Variants in PPP1R12B observed in about 807,000 individuals in gnomAD.
PPP1R12B encodes protein phosphatase 1 regulatory subunit 12B.
Under a neutral mutation model 126.1 loss-of-function variants are expected in PPP1R12B, and 76 were observed. That is an observed-to-expected ratio of 0.60 (90% CI 0.50 to 0.73). The LOEUF is 0.73. Among genes scored for constraint, PPP1R12B ranks in the 30% least tolerant of loss-of-function variants. The pLI, the probability that PPP1R12B is intolerant of heterozygous loss-of-function variation, is 0.00. For synonymous variants in PPP1R12B, 356 were observed against 434.7 expected (o/e 0.82, Z 2.25); for missense variants, 1,052 against 1,205.1 (o/e 0.87, Z 1.88).
chr1:202,444,210 G>A (rs1388282528), intron 12 of PPP1R12B, among the ~76,000 whole-genome samples: 3 of 152,144 alleles, frequency 2.0e-5, no homozygotes, highest in Non-Finnish European at 4.4e-5. Context: ...CATCTCTTGT[G>A]TATAGGCAGA....
rs1251695049 is a variant in PPP1R12B at position 202,431,583 on chromosome 1, G to C, written c.1105G>C (p.Asp369His). 1.2e-6 allele frequency: 2 copies of C among 1,611,150 alleles called. No individual in the cohort carries two copies. The highest frequency in any genetic ancestry group is 1.7e-6 in the Non-Finnish European group (2 of 1,179,212). Reference sequence around the variant, plus strand: ...CAGCTCAGAGGAGGAGGAAGGTGAAGATGAAGCTTCTGAGTCAGAAACTGA... The same window carrying C: ...CAGCTCAGAGGAGGAGGAAGGTGAACATGAAGCTTCTGAGTCAGAAACTGA... ...SSSSEEEEGEDEASESETEKE... is the reference protein window; with the variant it reads ...SSSSEEEEGEHEASESETEKE... Residue 369 changes from aspartate to histidine, a missense_variant, in exon 8 of 24, where the codon GAT becomes CAT. Asp to His is a moderately conservative substitution (Grantham distance 81). Coordinates refer to ENST00000608999, the MANE Select transcript of PPP1R12B (RefSeq NM_002481.4).
intron 20 of PPP1R12B, 101 bp from the exon 21 acceptor site, chr1:202,564,342 T>G: frequency 2.6e-6 from 2 of 777,358 alleles, no homozygotes; most frequent in Admixed American, 2.2e-5. Context: ...CTCTCTACCA[T>G]ATAGTGGTGG....
rs1480678989 is a variant in PPP1R12B at position 202,419,912 on chromosome 1, A to G, written c.423-2708A>G. On this transcript the variant is annotated intron_variant, in intron 2 of 23. Transcript: ENST00000608999. The surrounding 1 kb of genome is among the most constrained non-coding windows in gnomAD (Gnocchi z 4.6). ...GTTGAGATCAATACTTAAAAGGGAA[A>G]AGCAGCATGGTCACATTCCTGAATT... is the stretch of plus-strand genomic sequence containing the variant. Among the ~76,000 whole-genome samples, 1 of 152,240 alleles carries G rather than the reference A, an allele frequency of 6.6e-6. No individual in the cohort carries two copies. The highest frequency in any genetic ancestry group is 2.4e-5 in the African/African-American group (1 of 41,470).
intron 5 of PPP1R12B, among the ~76,000 whole-genome samples, chr1:202,428,051 T>TC (rs58701608): frequency 1 from 151,747 of 151,806 alleles, 75,844 homozygotes; most frequent in Middle Eastern, 1. Flanking sequence ...CTCAAGTGAT[T>TC]CCCAGCCTTG....
chr1:202,438,476 T>C (rs1011262488), intron 10 of PPP1R12B: 86 of 413,242 alleles, frequency 2.1e-4, no homozygotes, highest in Non-Finnish European at 1.9e-4. Context: ...TTCAAGGTGC[T>C]GGATGGGGTG....
intron 17 of PPP1R12B, 24 bp from the exon 18 acceptor site, chr1:202,496,757 A>G (rs1679609301): frequency 6.2e-7 from 1 of 1,603,842 alleles, no homozygotes; most frequent in African/African-American, 1.3e-5. Context: ...GAGCCTCTTG[A>G]TTTTCTTCCC....
chr1:202,588,445 T>G lies in PPP1R12B; in HGVS notation c.*7885T>G, dbSNP rs1689953604. The G allele has an allele frequency of 6.6e-6, 1 of 152,654 alleles. No individual in the cohort carries two copies. Among genetic ancestry groups the G allele is most frequent in the African/African-American group, 2.4e-5 (1 of 41,450 alleles). 9.5% of individuals were successfully genotyped at this position (152,654 alleles called of 1,614,324 possible). ...AGATGAATGGTTTTGTTTTACTGGT[T>G]GTTGTTATATAGTTTTGAGTATTCT... On this transcript the variant is annotated 3_prime_UTR_variant, in exon 24 of 24. Coordinates refer to ENST00000608999, the MANE Select transcript of PPP1R12B (RefSeq NM_002481.4).
At chr1:202,486,257 A>G (rs1461527844) in intron 13 of PPP1R12B, among the ~76,000 whole-genome samples, 1 of 151,988 alleles carries the variant, frequency 6.6e-6, no homozygotes, top group Non-Finnish European at 1.5e-5. Flanking sequence ...TAAATATTAA[A>G]CCCCATATAA....
chr1:202,415,933 A>AT (rs1668001116), intron 1 of PPP1R12B, among the ~76,000 whole-genome samples: 2 of 151,990 alleles, frequency 1.3e-5, no homozygotes, highest in Middle Eastern at 3.4e-3. Flanking sequence ...ATCCTGTGTG[A>AT]TTTTTTCTTT....
intron 9 of PPP1R12B, among the ~76,000 whole-genome samples, chr1:202,436,892 A>G (rs564026213): frequency 2.6e-5 from 4 of 151,422 alleles, no homozygotes; most frequent in Non-Finnish European, 5.9e-5. Context: ...TTTGCTGGTC[A>G]GTGAAATCTA....
chr1:202,511,667 T>C (rs1681525762), intron 18 of PPP1R12B, among the ~76,000 whole-genome samples: 1 of 152,204 alleles, frequency 6.6e-6, no homozygotes, highest in Non-Finnish European at 1.5e-5. Context: ...CCTGAGTTAT[T>C]ACACTTAGAA....
At chr1:202,349,206 C>G in intron 1 of PPP1R12B, 64 bp downstream of exon 1, 1 of 1,579,074 alleles carries the variant, frequency 6.3e-7, no homozygotes, top group Non-Finnish European at 8.6e-7. Flanking sequence ...ACCCTGCGAG[C>G]CACCCCATGG....
intron 18 of PPP1R12B, among the ~76,000 whole-genome samples, chr1:202,533,726 T>C (rs1407104709): frequency 2.0e-5 from 3 of 152,214 alleles, no homozygotes; most frequent in Non-Finnish European, 4.4e-5. Flanking sequence ...TTGGCCACAG[T>C]GTCATAGAAG....
In PPP1R12B at chr1:202,581,740, A is replaced by T. The variant is rs1245666975; in HGVS notation, c.*1180A>T. On this transcript the variant is annotated 3_prime_UTR_variant, in exon 24 of 24. Coordinates refer to ENST00000608999, the MANE Select transcript of PPP1R12B (RefSeq NM_002481.4). Reference sequence around the variant, plus strand: ...TGTGACAAAGAAGATGGAAGATAGCAGCCTACTGGGCTGTGAGAATAGTGG... The same window carrying T: ...TGTGACAAAGAAGATGGAAGATAGCTGCCTACTGGGCTGTGAGAATAGTGG... The T allele has an allele frequency of 6.6e-6, 1 of 152,224 alleles. No homozygotes were observed. Among genetic ancestry groups the T allele is most frequent in the African/African-American group, 2.4e-5 (1 of 41,452 alleles). 9.4% of individuals were successfully genotyped at this position (152,224 alleles called of 1,614,324 possible).
intron 18 of PPP1R12B, among the ~76,000 whole-genome samples, chr1:202,540,682 G>T (rs999214616): frequency 1.1e-4 from 16 of 152,262 alleles, no homozygotes; most frequent in African/African-American, 3.1e-4. Context: ...CTTCAGTTTT[G>T]CAAGTTCTGT....
At chr1:202,463,695 A>G (rs946073471) in intron 13 of PPP1R12B, among the ~76,000 whole-genome samples, 1 of 152,204 alleles carries the variant, frequency 6.6e-6, no homozygotes, top group Admixed American at 6.5e-5. Context: ...ATGTTTTTCC[A>G]TGTGTATAAG....
intron 1 of PPP1R12B, among the ~76,000 whole-genome samples, chr1:202,349,878 T>C (rs574418050): frequency 6.6e-6 from 1 of 152,334 alleles, no homozygotes; most frequent in South Asian, 2.1e-4. Flanking sequence ...ATAGCTATAC[T>C]ATATGGATTG....
intron 1 of PPP1R12B, among the ~76,000 whole-genome samples, chr1:202,382,341 G>A (rs1232413026): frequency 6.6e-6 from 1 of 151,334 alleles, no homozygotes; most frequent in Non-Finnish European, 1.5e-5. Flanking sequence ...GTTAATGGGT[G>A]CAGTACGCCA....
rs577880140 is a variant in PPP1R12B, at chr1:202,380,669, C to T, written c.291+31527C>T. 1.8e-4 allele frequency among the ~76,000 whole-genome samples: 28 copies of T among 152,276 alleles called. No individual in the cohort carries two copies. In the South Asian group the frequency reaches 5.4e-3, roughly 29 times the overall value. ...CTTCTCTCTTCTTCGCTGTTGCCTG[C>T]TTTGGTTACAGATTCCAGAGCTTTT... On this transcript the variant is annotated intron_variant, in intron 1 of 23. Transcript: ENST00000608999.
Sources: allele counts gnomAD v4.1 joint callset (sites outside exome capture counted in the v4.1 genomes callset), GRCh38; gene constraint gnomAD v4.1.1; non-coding constraint Gnocchi (gnomAD v3.1); transcripts MANE v1.5; gene names NCBI Gene and HGNC (gene_info 2026-07-23, HGNC 2026-07-21).